C4orf51: variants seen among roughly 807,000 people sequenced by gnomAD.
C4orf51 encodes the protein chromosome 4 open reading frame 51, also known as uncharacterized protein C4orf51.
In C4orf51, 25 loss-of-function variants were observed where a neutral mutation model predicts 25.2. The observed-to-expected ratio is 0.99, with a 90% CI of 0.72 to 1.39. The LOEUF is 1.39. Ranked by LOEUF, C4orf51 falls within the 40% of genes most tolerant of loss-of-function variation. The pLI is 0.00. For missense variants in C4orf51, 252 were observed against 239.6 expected, an observed-to-expected ratio of 1.05 and a Z score of -0.34; for synonymous variants, 100 against 84.5, an observed-to-expected ratio of 1.18 and a Z score of -1.01.
downstream of C4orf51, among the ~76,000 whole-genome samples, chr4:145,736,579 T>A (rs1732816545): frequency 2.0e-5 from 3 of 152,156 alleles, no homozygotes; most frequent in South Asian, 6.2e-4. Flanking sequence ...CGAGTGCACA[T>A]GCCCTGACCT....
chr4:145,787,164 T>C, the C4orf51 span, among the ~76,000 whole-genome samples: 1 of 152,172 alleles, frequency 6.6e-6, no homozygotes, highest in East Asian at 1.9e-4. Context: ...GATAGAAGAA[T>C]TGAGAAATAG....
At chr4:145,700,916 C>A (rs948204626) in intron 2 of C4orf51, among the ~76,000 whole-genome samples, 2 of 152,166 alleles carry the variant, frequency 1.3e-5, no homozygotes, top group African/African-American at 2.4e-5. Context: ...AGCCCTCCCC[C>A]ACCTGCCCAG....
chr4:145,781,282 A>G, the C4orf51 span, among the ~76,000 whole-genome samples: 3 of 152,052 alleles, frequency 2.0e-5, no homozygotes, highest in Non-Finnish European at 1.5e-5. Flanking sequence ...CATCAGAAGA[A>G]AAAACTTTAT....
chr4:145,681,832 C>T (rs974493165), intron 1 of C4orf51, among the ~76,000 whole-genome samples: 1 of 152,186 alleles, frequency 6.6e-6, no homozygotes, highest in Non-Finnish European at 1.5e-5. Context: ...AGGTTCCACA[C>T]TTATGACCTA....
chr4:145,738,278 C>G lies in C4orf51; in HGVS notation n.167+5659C>G, dbSNP rs567905183. On this transcript the variant is annotated intron_variant and non_coding_transcript_variant, in intron 1 of 1. Coordinates refer to the C4orf51 transcript ENST00000508981. ...CAGCCTGACCAATATGGTGAAACCC[C>G]GTCTCTACTAAAAACACAAAAATTA... Among the ~76,000 whole-genome samples the G allele has an allele frequency of 2.6e-5, 4 of 151,910 alleles. No homozygotes were observed. In the East Asian group the frequency reaches 5.8e-4, roughly 22 times the overall value.
chr4:145,700,841 C>G (rs1239262980), intron 2 of C4orf51, among the ~76,000 whole-genome samples: 1 of 152,150 alleles, frequency 6.6e-6, no homozygotes, highest in African/African-American at 2.4e-5. Flanking sequence ...ACTCCTCCAC[C>G]CTGTAATCTT....
chr4:145,699,489 C>T (rs1560829690), intron 2 of C4orf51, among the ~76,000 whole-genome samples: 1 of 152,092 alleles, frequency 6.6e-6, no homozygotes, highest in South Asian at 2.1e-4. Context: ...TCCTTTCAAT[C>T]TTGGCGCCAC....
chr4:145,740,240 C>CAAAAAAAAAAA (rs60310006), intron 1 of C4orf51, among the ~76,000 whole-genome samples: 2 of 104,836 alleles, frequency 1.9e-5, no homozygotes, highest in African/African-American at 4.1e-5. Flanking sequence ...TCCCTTTCTG[C>CAAAAAAAAAAA]AAAAAAAAAA....
At chr4:145,705,623 G>A (rs1224560274) in intron 2 of C4orf51, among the ~76,000 whole-genome samples, 1 of 152,138 alleles carries the variant, frequency 6.6e-6, no homozygotes, top group African/African-American at 2.4e-5. Context: ...CCATGAGTTG[G>A]TGAAAGCCGT....
At chr4:145,781,582 G>A in the C4orf51 span, among the ~76,000 whole-genome samples, 11 of 152,264 alleles carry the variant, frequency 7.2e-5, no homozygotes, top group African/African-American at 2.6e-4. Flanking sequence ...TCTTATTAAA[G>A]TAGAAATGTG....
intron 1 of C4orf51, among the ~76,000 whole-genome samples, chr4:145,751,324 G>A (rs1430801363): frequency 1.3e-5 from 2 of 152,112 alleles, no homozygotes; most frequent in African/African-American, 4.8e-5. Context: ...CTTGAGTGTT[G>A]TGATCTAATT....
intron 1 of C4orf51, among the ~76,000 whole-genome samples, chr4:145,683,807 G>A (rs904188955): frequency 2.0e-5 from 3 of 152,216 alleles, no homozygotes; most frequent in South Asian, 4.2e-4. Flanking sequence ...AAGATAACAG[G>A]AGAAACCTTA....
At chr4:145,725,530 T>TA (rs1732006409) in intron 2 of C4orf51, among the ~76,000 whole-genome samples, 1 of 152,180 alleles carries the variant, frequency 6.6e-6, no homozygotes, top group African/African-American at 2.4e-5. Context: ...TTGGAAACCC[T>TA]AATGTCTGTT....
intron 5 of C4orf51, among the ~76,000 whole-genome samples, chr4:145,731,907 T>A (rs1038809084): frequency 2.6e-5 from 4 of 152,166 alleles, no homozygotes; most frequent in Non-Finnish European, 4.4e-5. Flanking sequence ...TTAATATTTT[T>A]AAATATATAT....
chr4:145,697,717 T>TC (rs1487248946), intron 2 of C4orf51, among the ~76,000 whole-genome samples: 1 of 152,248 alleles, frequency 6.6e-6, no homozygotes, highest in Non-Finnish European at 1.5e-5. Flanking sequence ...TGAATAATTT[T>TC]CCATTGTATT....
chr4:145,713,626 T>G (rs1731247506), intron 2 of C4orf51, among the ~76,000 whole-genome samples: 1 of 152,246 alleles, frequency 6.6e-6, no homozygotes, highest in African/African-American at 2.4e-5. Context: ...TGGAATCTAC[T>G]CCTGGTGAAG....
At position 145,762,469 on chromosome 4, in the gene C4orf51, A is replaced by C. The variant is rs1734685631; in HGVS notation, n.167-8519A>C. On this transcript the variant is annotated intron_variant and non_coding_transcript_variant, in intron 1 of 1. Transcript: ENST00000510096. The surrounding 1 kb of genome is among the most constrained non-coding windows in gnomAD (Gnocchi z 4.9). ...GGACCATATCTTACATTTCCTCTGC[A>C]TTCTCTGCAGTGCTTGGTAGAGTAC... Among the ~76,000 whole-genome samples, 1 of 152,212 alleles carries C rather than the reference A, an allele frequency of 6.6e-6. No homozygotes were observed. The highest frequency in any genetic ancestry group is 1.5e-5 in the Non-Finnish European group (1 of 68,026).
chr4:145,732,338 C>T, intron 5 of C4orf51, 115 bp from the exon 6 acceptor site: 1 of 644,992 alleles, frequency 1.6e-6, no homozygotes, highest in Non-Finnish European at 2.8e-6. Context: ...GGATCAATCC[C>T]ATCTCCTGCT....
chr4:145,683,500 GC>G (rs938430023), intron 1 of C4orf51, among the ~76,000 whole-genome samples: 2 of 152,186 alleles, frequency 1.3e-5, no homozygotes, highest in Non-Finnish European at 2.9e-5. Flanking sequence ...CAACTTTAAT[GC>G]TCACTATAAA....
Sources: gnomAD v4.1 joint callset for allele counts (sites outside exome capture counted in the v4.1 genomes callset) on GRCh38, gnomAD v4.1.1 for gene constraint, Gnocchi (gnomAD v3.1) non-coding constraint, MANE v1.5 for transcripts, NCBI Gene and HGNC (gene_info 2026-07-23, HGNC 2026-07-21) for gene names.